Variants in TMEM182 observed in about 807,000 individuals in gnomAD.
The protein encoded by TMEM182 is transmembrane protein 182.
In TMEM182, 20 loss-of-function variants were observed where a neutral mutation model predicts 26.8. The observed-to-expected ratio is 0.75, with a 90% CI of 0.53 to 1.09. The LOEUF is 1.09. Among genes scored for constraint, TMEM182 ranks in the 50% least tolerant of loss-of-function variants. The pLI is 0.00. For missense variants in TMEM182, 277 were observed against 275.5 expected, an observed-to-expected ratio of 1.01 and a Z score of -0.04; for synonymous variants, 109 against 102.2, an observed-to-expected ratio of 1.07 and a Z score of -0.40.
intron 3 of TMEM182, among the ~76,000 whole-genome samples, chr2:102,782,420 T>G (rs532642459): frequency 6.6e-6 from 1 of 152,300 alleles, no homozygotes; most frequent in South Asian, 2.1e-4. Context: ...TAAAAATTAT[T>G]AATACCACAA....
intron 1 of TMEM182, among the ~76,000 whole-genome samples, chr2:102,748,878 G>A (rs1484434074): frequency 6.6e-6 from 1 of 152,010 alleles, no homozygotes; most frequent in Non-Finnish European, 1.5e-5. Context: ...AGTTATCGAA[G>A]CTTTGATTCT....
chr2:102,748,183 G>C (rs1255023682), intron 1 of TMEM182, among the ~76,000 whole-genome samples: 1 of 152,226 alleles, frequency 6.6e-6, no homozygotes, highest in Non-Finnish European at 1.5e-5. Context: ...CCAAAATCCA[G>C]AAGTGCAGCT....
intron 3 of TMEM182, among the ~76,000 whole-genome samples, chr2:102,833,241 T>C (rs1268361389): frequency 6.6e-6 from 1 of 152,134 alleles, no homozygotes; most frequent in African/African-American, 2.4e-5. Context: ...GTTCATAGTC[T>C]GGTATAAATC....
chr2:102,837,643 G>A (rs1683271984), intron 3 of TMEM182, among the ~76,000 whole-genome samples: 1 of 152,186 alleles, frequency 6.6e-6, no homozygotes, highest in African/African-American at 2.4e-5. Flanking sequence ...GGATACCAGA[G>A]CAGAAGAGCA....
chr2:102,759,683 C>T (rs1680149717), upstream of TMEM182, among the ~76,000 whole-genome samples: 1 of 152,158 alleles, frequency 6.6e-6, no homozygotes, highest in Non-Finnish European at 1.5e-5. Flanking sequence ...ATTTGCTATC[C>T]CACAGTTCCA....
chr2:102,822,667 G>A (rs754803259), downstream of TMEM182, among the ~76,000 whole-genome samples: 1 of 152,158 alleles, frequency 6.6e-6, no homozygotes, highest in Non-Finnish European at 1.5e-5. Flanking sequence ...GGGAATGTGG[G>A]ATCAAAATAA....
Position 102,764,407 on chromosome 2 carries a change from C to T in TMEM182, c.311C>T (p.Thr104Ile), listed in dbSNP as rs770097022. 1.9e-6 allele frequency: 3 copies of T among 1,613,876 alleles called. No homozygotes were observed. The highest frequency in any genetic ancestry group is 3.3e-5 in the Admixed American group (2 of 60,010). ...TTCATGAGAGGCGAGCACAACTCGA[C>T]CTCCTATGACTCTGCAGTTAGTAAG... ...YPFMRGEHNS[T>I]SYDSAVIYRG... Residue 104 changes from threonine (T) to isoleucine (I), a missense_variant, in exon 3 of 5, where the codon ACC becomes ATC. By Grantham distance (89) the Thr-to-Ile change is moderately conservative. Transcript: ENST00000412401.
intron 3 of TMEM182, among the ~76,000 whole-genome samples, chr2:102,841,877 G>T (rs1341804667): frequency 6.6e-6 from 1 of 152,130 alleles, no homozygotes; most frequent in African/African-American, 2.4e-5. Flanking sequence ...CTATGTGTAT[G>T]TTACTTTGGA....
rs548493211 is a variant in TMEM182, at chr2:102,810,129, T to TTA, written c.470-4619_470-4618insTA. On this transcript the variant is annotated intron_variant, in intron 4 of 4. Transcript: ENST00000412401. ...TAAATAATCCAAAACACTCTCTTTT[T>TTA]AAAAAAAAATACATGTAAGAGTATA... Among the ~76,000 whole-genome samples the TTA allele has an allele frequency of 2.0e-5, 3 of 151,580 alleles. No homozygotes were observed. In the East Asian group the frequency reaches 5.8e-4, roughly 29 times the overall value.
Position 102,817,307 on chromosome 2 carries a change from T to C in TMEM182, c.*2339T>C. ...ACTGTGTTAGAATCTTTTTGAAAAA[T>C]GTTGATTTTGCATCATAAAGTTTCA... On this transcript the variant is annotated 3_prime_UTR_variant, in exon 5 of 5. Transcript: ENST00000412401. 3 of 985,414 alleles carry C rather than the reference T, an allele frequency of 3.0e-6. No individual in the cohort carries two copies. The highest frequency in any genetic ancestry group is 2.4e-6 in the Non-Finnish European group (2 of 829,890). The allele number at this position is 985,414 out of a possible 1,614,324, so 61.0% of individuals were successfully genotyped here. A position where few individuals can be genotyped will look rare whatever the true frequency, so the allele number is the denominator to read the frequency against.
At chr2:102,798,080 G>T in intron 4 of TMEM182, 80 bp downstream of exon 4, 1 of 1,501,434 alleles carries the variant, frequency 6.7e-7, no homozygotes, top group Non-Finnish European at 8.9e-7. Flanking sequence ...ATATTCAGGC[G>T]TCAGCCTTCT....
intron 1 of TMEM182, among the ~76,000 whole-genome samples, chr2:102,750,148 C>T (rs777671086): frequency 1.4e-4 from 22 of 151,876 alleles, no homozygotes; most frequent in Non-Finnish European, 1.9e-4. Flanking sequence ...CTTTCGCTTC[C>T]CCAATGTTCC....
At chr2:102,818,549 A>C (rs1022366386), downstream of TMEM182, among the ~76,000 whole-genome samples, 6 of 152,186 alleles carry the variant, frequency 3.9e-5, no homozygotes, top group African/African-American at 1.4e-4. Flanking sequence ...AGTGGGATGT[A>C]TCAGAGACAG....
intron 4 of TMEM182, among the ~76,000 whole-genome samples, chr2:102,809,033 A>G (rs1050760779): frequency 5.3e-5 from 8 of 152,210 alleles, no homozygotes; most frequent in Admixed American, 3.3e-4. Context: ...TGAAATCTGT[A>G]CATTTTACTC....
chr2:102,745,053 C>A (rs1448419201), intron 1 of TMEM182, among the ~76,000 whole-genome samples: 2 of 151,978 alleles, frequency 1.3e-5, no homozygotes, highest in African/African-American at 4.8e-5. Context: ...ATTGGTTAGA[C>A]CATTTGCTGT....
intron 1 of TMEM182, among the ~76,000 whole-genome samples, chr2:102,753,438 A>G (rs1225736226): frequency 1.3e-5 from 2 of 152,168 alleles, no homozygotes; most frequent in Non-Finnish European, 2.9e-5. Flanking sequence ...TAAACTATTC[A>G]TTGGGGTCTA....
intron 1 of TMEM182, among the ~76,000 whole-genome samples, chr2:102,753,336 T>G (rs1236981268): frequency 6.6e-6 from 1 of 152,168 alleles, no homozygotes; most frequent in African/African-American, 2.4e-5. Flanking sequence ...TGTGAATTAC[T>G]TGTATAGGTG....
intron 1 of TMEM182, among the ~76,000 whole-genome samples, chr2:102,752,453 G>A (rs993733575): frequency 2.6e-5 from 4 of 152,228 alleles, no homozygotes; most frequent in Admixed American, 6.5e-5. Context: ...TGAGCAGAAC[G>A]TGAGGAGAGA....
chr2:102,827,343 C>G (rs1683053175), intron 3 of TMEM182, among the ~76,000 whole-genome samples: 1 of 152,240 alleles, frequency 6.6e-6, no homozygotes, highest in Non-Finnish European at 1.5e-5. Flanking sequence ...ATATACTATA[C>G]TACCAGATAT....
Sources: allele counts gnomAD v4.1 joint callset (sites outside exome capture counted in the v4.1 genomes callset), GRCh38; gene constraint gnomAD v4.1.1; transcripts MANE v1.5; gene names NCBI Gene and HGNC (gene_info 2026-07-23, HGNC 2026-07-21).